The following EXOC6B variants were observed in gnomAD, a reference collection of about 807,000 sequenced individuals.
EXOC6B encodes the protein exocyst complex component 6B.
Under a neutral mutation model 113.5 loss-of-function variants are expected in EXOC6B, and 54 were observed. The ratio of observed to expected loss-of-function variants is 0.48; its 90% confidence interval spans 0.38 to 0.60. The LOEUF (loss-of-function observed/expected upper bound fraction) is 0.60, where lower values mean the gene tolerates loss of function less well. Among genes scored for constraint, EXOC6B ranks in the 20% least tolerant of loss-of-function variants. The pLI, the probability that EXOC6B is intolerant of heterozygous loss-of-function variation, is 0.00. For synonymous variants in EXOC6B, 357 were observed against 339.0 expected (o/e 1.05, Z -0.58); for missense variants, 797 against 977.5 (o/e 0.82, Z 2.46).
chr2:72,287,514 G>T (rs900602236), intron 20 of EXOC6B, among the ~76,000 whole-genome samples: 2 of 151,246 alleles, frequency 1.3e-5, no homozygotes, highest in African/African-American at 2.4e-5. Flanking sequence ...GCAAAGAAAT[G>T]CTTCTTTGAA....
intron 6 of EXOC6B, among the ~76,000 whole-genome samples, chr2:72,622,755 A>G (rs1408515467): frequency 6.6e-6 from 1 of 152,140 alleles, no homozygotes; most frequent in African/African-American, 2.4e-5. Context: ...GCCAATAAAT[A>G]TATGAAAACA....
At chr2:72,765,595 C>A (rs1683010271) in intron 1 of EXOC6B, among the ~76,000 whole-genome samples, 2 of 152,072 alleles carry the variant, frequency 1.3e-5, no homozygotes, top group South Asian at 2.1e-4. Context: ...ATCACTTGAA[C>A]CCGGGAGGTG....
chr2:72,292,778 T>A (rs1191260220), intron 20 of EXOC6B, among the ~76,000 whole-genome samples: 2 of 152,184 alleles, frequency 1.3e-5, no homozygotes, highest in African/African-American at 4.8e-5. Flanking sequence ...ATAAATGGAA[T>A]CATATAATAT....
chr2:72,668,124 C>G (rs1403950754), intron 6 of EXOC6B, among the ~76,000 whole-genome samples: 2 of 152,150 alleles, frequency 1.3e-5, no homozygotes, highest in African/African-American at 2.4e-5. Flanking sequence ...TGGTCACCAC[C>G]ACTAATCATT....
At chr2:72,802,312 A>G (rs1251598735) in intron 1 of EXOC6B, among the ~76,000 whole-genome samples, 2 of 151,774 alleles carry the variant, frequency 1.3e-5, no homozygotes, top group Admixed American at 6.6e-5. Context: ...GCAACAGGGC[A>G]AGACTCTGTC....
At chr2:72,264,123 A>G (rs1573121084) in intron 20 of EXOC6B, among the ~76,000 whole-genome samples, 1 of 152,234 alleles carries the variant, frequency 6.6e-6, no homozygotes, top group Admixed American at 6.5e-5. Context: ...TGTATGCTCA[A>G]CTAAACCATG....
At chr2:72,629,122 T>C (rs1419809173) in intron 6 of EXOC6B, among the ~76,000 whole-genome samples, 1 of 152,226 alleles carries the variant, frequency 6.6e-6, no homozygotes, top group Non-Finnish European at 1.5e-5. Flanking sequence ...TAGTATCTTG[T>C]TAGAATGCTA....
intron 18 of EXOC6B, among the ~76,000 whole-genome samples, chr2:72,390,683 A>G (rs1248988327): frequency 6.6e-6 from 1 of 152,200 alleles, no homozygotes; most frequent in East Asian, 1.9e-4. Flanking sequence ...TCCAGGACTA[A>G]TGCTGCTTTA....
chr2:72,508,157 T>A (rs1573285588), intron 11 of EXOC6B, among the ~76,000 whole-genome samples: 3 of 57,484 alleles, frequency 5.2e-5, no homozygotes, highest in Non-Finnish European at 8.5e-5. Context: ...CACAAAATAT[T>A]ACCCGCAAAA....
intron 18 of EXOC6B, chr2:72,464,494 C>T (rs1311404528): frequency 3.3e-5 from 5 of 152,296 alleles, no homozygotes; most frequent in African/African-American, 1.2e-4. Flanking sequence ...AACCACAACC[C>T]ACCTGCCCAT....
Position 72,249,762 on chromosome 2 carries a change from T to A in EXOC6B, c.2197-65575A>T, listed in dbSNP as rs79499173. Among the ~76,000 whole-genome samples, 83 of 152,320 alleles carry A rather than the reference T, an allele frequency of 5.4e-4. No homozygotes were observed. The East Asian group carries it at 0.015, about 28-fold the overall frequency. On this transcript the variant is annotated intron_variant, in intron 20 of 21. Coordinates refer to ENST00000272427, the MANE Select transcript of EXOC6B (RefSeq NM_015189.3). The stretch of plus-strand genomic sequence containing the variant: ...TTCCTGTTTTATGACAAGAAAGCTA[T>A]GTCAATGGTACAGGAAAAAAATTAT...
At chr2:72,201,164 T>C (rs1293231715) in intron 20 of EXOC6B, among the ~76,000 whole-genome samples, 1 of 152,204 alleles carries the variant, frequency 6.6e-6, no homozygotes, top group South Asian at 2.1e-4. Context: ...ACTTGCTTTT[T>C]TCATTCAATC....
chr2:72,619,179 CAGAGAGAGAGAG>C (rs139874004), intron 6 of EXOC6B, among the ~76,000 whole-genome samples: 6 of 145,894 alleles, frequency 4.1e-5, no homozygotes, highest in Non-Finnish European at 6.1e-5. Flanking sequence ...AATACACAGC[CAGAGAGAGAGAG>C]AGAGAGAGAG....
intron 6 of EXOC6B, among the ~76,000 whole-genome samples, chr2:72,620,229 A>G (rs971262383): frequency 1.3e-5 from 2 of 152,176 alleles, no homozygotes; most frequent in African/African-American, 4.8e-5. Context: ...AGGAGCCACA[A>G]CAGATCCTCC....
At chr2:72,491,053 C>A (rs1699713846) in intron 16 of EXOC6B, among the ~76,000 whole-genome samples, 1 of 152,090 alleles carries the variant, frequency 6.6e-6, no homozygotes, top group Non-Finnish European at 1.5e-5. Context: ...CTAACAAAAG[C>A]AGGAGGACTT....
At chr2:72,636,314 A>G (rs12995936) in intron 6 of EXOC6B, among the ~76,000 whole-genome samples, 1 of 128,328 alleles carries the variant, frequency 7.8e-6, no homozygotes, top group Non-Finnish European at 1.6e-5. Context: ...GGAGGCAGGG[A>G]GGGAGGGAGG....
intron 1 of EXOC6B, among the ~76,000 whole-genome samples, chr2:72,788,010 T>C (rs1684472384): frequency 6.6e-6 from 1 of 152,172 alleles, no homozygotes; most frequent in East Asian, 1.9e-4. Flanking sequence ...CTTAAAGAAA[T>C]AATTTATAAA....
At chr2:72,263,490 C>A (rs1435642242) in intron 20 of EXOC6B, 1 of 152,168 alleles carries the variant, frequency 6.6e-6, no homozygotes, top group African/African-American at 2.4e-5. Flanking sequence ...TTATGCTGGA[C>A]ACAAGCCAGT....
chr2:72,638,704 C>A (rs1015178157), intron 6 of EXOC6B, among the ~76,000 whole-genome samples: 5 of 152,198 alleles, frequency 3.3e-5, no homozygotes, highest in Admixed American at 3.3e-4. Context: ...GCAGCGAGAG[C>A]TGCTTAGAGA....
Sources: allele counts gnomAD v4.1 joint callset (sites outside exome capture counted in the v4.1 genomes callset), GRCh38; gene constraint gnomAD v4.1.1; transcripts MANE v1.5; gene names NCBI Gene and HGNC (gene_info 2026-07-23, HGNC 2026-07-21).